UBQLN4: variants seen among roughly 807,000 people sequenced by gnomAD.
UBQLN4 encodes the protein ubiquilin 4.
UBQLN4 carries 11 observed loss-of-function variants against 60.4 expected under a neutral mutation model. The ratio of observed to expected loss-of-function variants is 0.18; its 90% CI spans 0.11 to 0.30. The LOEUF is 0.30. Ranked by LOEUF, UBQLN4 falls within the 10% of genes least tolerant of loss-of-function variation. The probability of loss-of-function intolerance (pLI) is 1.00; values close to 1 mark genes in which losing one functional copy is unlikely to be tolerated. For synonymous variants in UBQLN4, 258 were observed against 313.1 expected (o/e 0.82, Z 1.86); for missense variants, 417 against 795.5 (o/e 0.52, Z 5.72).
At chr1:156,051,942 A>G in intron 1 of UBQLN4, 85 bp from the exon 2 acceptor site, 1 of 1,546,724 alleles carries the variant, frequency 6.5e-7, no homozygotes, top group Non-Finnish European at 8.8e-7. Context: ...CACCTTCTGC[A>G]CTCTCTTGCT....
At chr1:156,033,212 TGA>T (rs2102734100), downstream of UBQLN4, 1 of 985,448 alleles carries the variant, frequency 1.0e-6, no homozygotes, top group South Asian at 4.7e-5. Flanking sequence ...CGGGTGAGAC[TGA>T]CTCAGCTGTG....
chr1:156,037,176 G>A lies in UBQLN4; in HGVS notation c.1654-46C>T, dbSNP rs201875935. ...GAAGTGGGCACAGGACCAATCTTGG[G>A]GGCCCTATTTGAATTAAGGGTTTCT... On this transcript the variant is annotated intron_variant, in intron 10 of 10. Transcript: ENST00000368309. 5,495 of 1,593,868 alleles carry A rather than the reference G, an allele frequency of 3.4e-3. 16 individuals carry two copies. The highest frequency in any genetic ancestry group is 7.6e-3 in the South Asian group (673 of 88,474).
intron 1 of UBQLN4, among the ~76,000 whole-genome samples, chr1:156,052,813 T>C (rs1254195088): frequency 6.6e-6 from 1 of 152,214 alleles, no homozygotes; most frequent in African/African-American, 2.4e-5. Flanking sequence ...AATTTAGTAA[T>C]TCTATGTGGT....
At chr1:156,042,260 G>T (rs775366894) in intron 7 of UBQLN4, 24 bp from the exon 8 acceptor site, 30 of 1,567,780 alleles carry the variant, frequency 1.9e-5, no homozygotes, top group Non-Finnish European at 1.7e-6. Context: ...GGTAGCAGGG[G>T]GAGACCTGGG....
chr1:156,048,747 T>C lies in UBQLN4; in HGVS notation c.742-88A>G. ...GTGGGCCTTGAGGAAGGGGGGTCTG[T>C]ATCAGGATCAGGACCAGGGCCCAGG... is the stretch of plus-strand genomic sequence containing the variant. On this transcript the variant is annotated intron_variant, in intron 4 of 10. Transcript: ENST00000368309. This position sits in a 1 kb window ranked among gnomAD's most constrained non-coding sequence, Gnocchi z 4.9. 6.8e-7 allele frequency: 1 copy of C among 1,460,572 alleles called. No homozygotes were observed. The highest frequency in any genetic ancestry group is 1.3e-5 in the South Asian group (1 of 77,432). The allele number at this position is 1,460,572 out of a possible 1,614,324, so 90.5% of individuals were successfully genotyped here. A position where few individuals can be genotyped will look rare whatever the true frequency, so the allele number is the denominator to read the frequency against.
chr1:156,052,137 T>C (rs1683888433), intron 1 of UBQLN4, among the ~76,000 whole-genome samples: 1 of 152,294 alleles, frequency 6.6e-6, no homozygotes, highest in African/African-American at 2.4e-5. Flanking sequence ...TCCCTCCACC[T>C]AGTTCTCTGT....
chr1:156,032,491 A>G (rs553692198), downstream of UBQLN4, among the ~76,000 whole-genome samples: 1 of 148,174 alleles, frequency 6.7e-6, no homozygotes, highest in East Asian at 2.0e-4. Flanking sequence ...AGCCTGGGCA[A>G]CAAGAGTGAA....
At position 156,040,358 on chromosome 1, in the gene UBQLN4, C is replaced by G. The variant is rs370227245; in HGVS notation, c.1653+1127G>C. Among the ~76,000 whole-genome samples, 5 of 147,576 alleles carry G rather than the reference C, an allele frequency of 3.4e-5. No individual in the cohort carries two copies. In the East Asian group the frequency reaches 1.0e-3, roughly 29 times the overall value. On this transcript the variant is annotated intron_variant, in intron 10 of 10. Transcript: ENST00000368309. ...TTGCGCCATTGCACTCCAGCCTGGG[C>G]AACAAGAGCAAAACTCTGTCTCAAA... is the stretch of plus-strand genomic sequence containing the variant.
chr1:156,042,705 C>T, intron 7 of UBQLN4, 69 bp downstream of exon 7: 1 of 1,580,490 alleles, frequency 6.3e-7, no homozygotes, highest in Non-Finnish European at 8.6e-7. Flanking sequence ...GTGTTTTGAC[C>T]ACAAGAAACT....
At chr1:156,047,331 C>G (rs1037332349) in intron 5 of UBQLN4, among the ~76,000 whole-genome samples, 3 of 150,908 alleles carry the variant, frequency 2.0e-5, no homozygotes, top group Non-Finnish European at 4.4e-5. Context: ...GCAACCTCTG[C>G]CTCCCGGGTT....
chr1:156,042,170 G>C lies in UBQLN4; in HGVS notation c.1333C>G (p.Pro445Ala). Residue 445 changes from proline (P) to alanine (A), a missense_variant, in exon 8 of 11, where the codon CCA becomes GCA. Coordinates refer to ENST00000368309, the MANE Select transcript of UBQLN4 (RefSeq NM_020131.5). ...TCACTCACCTGCTGCAGGAAGACTGGGAGCTGCAGGCGGAGCTGCTCCTGC... is the reference window on the plus strand; with the variant it reads ...TCACTCACCTGCTGCAGGAAGACTGCGAGCTGCAGGCGGAGCTGCTCCTGC... Reference protein sequence around the residue: ...QLQEQLRLQLPVFLQQMQNPE... With the variant: ...QLQEQLRLQLAVFLQQMQNPE... 1 of 1,606,846 alleles carries C rather than the reference G, an allele frequency of 6.2e-7. No homozygotes were observed. Among genetic ancestry groups the C allele is most frequent in the Non-Finnish European group, 8.5e-7 (1 of 1,177,214 alleles).
chr1:156,034,010 T>C (rs1456039297), downstream of UBQLN4, among the ~76,000 whole-genome samples: 1 of 151,884 alleles, frequency 6.6e-6, no homozygotes, highest in East Asian at 1.9e-4. Flanking sequence ...TGATGCTTTT[T>C]CCATTTTTTA....
chr1:156,033,227 C>G (rs1004748565), downstream of UBQLN4: 31 of 985,176 alleles, frequency 3.1e-5, no homozygotes, highest in African/African-American at 5.4e-4. Flanking sequence ...CAGCTGTGAG[C>G]TTCACTAATG....
intron 5 of UBQLN4, 69 bp from the exon 6 acceptor site, chr1:156,044,292 T>A (rs919180226): frequency 1.3e-5 from 18 of 1,375,712 alleles, no homozygotes; most frequent in Non-Finnish European, 1.8e-5. Flanking sequence ...GCCCATTCTC[T>A]CCTCTCACTT....
chr1:156,031,393 T>C (rs1572263982), downstream of UBQLN4, among the ~76,000 whole-genome samples: 2 of 152,240 alleles, frequency 1.3e-5, no homozygotes, highest in East Asian at 1.9e-4. Flanking sequence ...CACAGGCAGG[T>C]TGAATAACTC....
At chr1:156,034,351 T>C (rs149113085), downstream of UBQLN4, among the ~76,000 whole-genome samples, 1,185 of 140,392 alleles carry the variant, frequency 8.4e-3, 18 homozygotes, top group African/African-American at 0.03. Flanking sequence ...CAGGCTAGAG[T>C]GCGTGGCACA....
downstream of UBQLN4, among the ~76,000 whole-genome samples, chr1:156,033,443 T>G (rs1683328619): frequency 6.6e-6 from 1 of 152,320 alleles, no homozygotes; most frequent in East Asian, 1.9e-4. Context: ...TTTATCTCTC[T>G]GAACATCCCG....
intron 10 of UBQLN4, 85 bp from the exon 11 acceptor site, chr1:156,037,215 C>A: frequency 6.6e-7 from 1 of 1,516,394 alleles, no homozygotes; most frequent in South Asian, 1.3e-5. Context: ...ACCAGCAGGT[C>A]TTCTCTAATA....
intron 5 of UBQLN4, among the ~76,000 whole-genome samples, chr1:156,044,966 C>A (rs1015993414): frequency 6.6e-6 from 1 of 152,114 alleles, no homozygotes; most frequent in South Asian, 2.1e-4. Context: ...CCTCACTGTG[C>A]TCCCCAGGAT....
Sources: allele counts gnomAD v4.1 joint callset (sites outside exome capture counted in the v4.1 genomes callset), GRCh38; gene constraint gnomAD v4.1.1; non-coding constraint Gnocchi (gnomAD v3.1); transcripts MANE v1.5; gene names NCBI Gene and HGNC (gene_info 2026-07-23, HGNC 2026-07-21).